The following TMEM132B variants were observed in gnomAD, a reference collection of about 807,000 sequenced individuals.
The protein encoded by TMEM132B is transmembrane protein 132B.
Under a neutral mutation model 90.8 loss-of-function variants are expected in TMEM132B, and 18 were observed. The ratio of observed to expected loss-of-function variants is 0.20; its 90% confidence interval spans 0.14 to 0.29. The LOEUF is 0.29. Among genes scored for constraint, TMEM132B ranks in the 10% least tolerant of loss-of-function variants. The pLI is 1.00. For synonymous variants in TMEM132B, 504 were observed against 523.3 expected (o/e 0.96, Z 0.50); for missense variants, 1,096 against 1,326.8 (o/e 0.83, Z 2.70).
chr12:125,596,616 A>T (rs1319671889), intron 5 of TMEM132B, among the ~76,000 whole-genome samples: 1 of 152,114 alleles, frequency 6.6e-6, no homozygotes. Context: ...ACCACTTCTA[A>T]AGTCCAGTTT....
chr12:125,278,477 C>CTTTT (rs35950577), intron 1 of TMEM132B, among the ~76,000 whole-genome samples: 14,881 of 141,252 alleles, frequency 0.11, 884 homozygotes, highest in African/African-American at 0.13. Context: ...GAATCTCCAT[C>CTTTT]TTTTTTTTTT....
intron 3 of TMEM132B, among the ~76,000 whole-genome samples, chr12:125,512,569 T>C (rs1303208201): frequency 6.6e-6 from 1 of 152,120 alleles, no homozygotes; most frequent in Non-Finnish European, 1.5e-5. Flanking sequence ...GTGTAGCAAT[T>C]TGATGATGGG....
chr12:125,480,006 C>G (rs1214173786), intron 3 of TMEM132B, among the ~76,000 whole-genome samples: 1 of 152,222 alleles, frequency 6.6e-6, no homozygotes, highest in Non-Finnish European at 1.5e-5. Flanking sequence ...TCCTGATTGA[C>G]TACTGGGTAA....
chr12:125,307,652 G>A (rs1167641949), intron 1 of TMEM132B, among the ~76,000 whole-genome samples: 2 of 141,872 alleles, frequency 1.4e-5, no homozygotes, highest in Admixed American at 7.2e-5. Context: ...CAAGCCCCAC[G>A]TCTCTCTCTA....
At chr12:125,530,661 A>T (rs1414047864) in intron 4 of TMEM132B, among the ~76,000 whole-genome samples, 1 of 152,198 alleles carries the variant, frequency 6.6e-6, no homozygotes, top group Non-Finnish European at 1.5e-5. Context: ...TGCCTCTTCC[A>T]GCTTCCGCTG....
At chr12:125,299,367 A>G (rs1464305505) in intron 1 of TMEM132B, among the ~76,000 whole-genome samples, 1 of 152,086 alleles carries the variant, frequency 6.6e-6, no homozygotes, top group East Asian at 1.9e-4. Flanking sequence ...GCTCCTCCCA[A>G]GCCCCATTGT....
chr12:125,390,885 G>A (rs547425817), intron 2 of TMEM132B, among the ~76,000 whole-genome samples: 68 of 152,296 alleles, frequency 4.5e-4, no homozygotes, highest in African/African-American at 1.6e-3. Flanking sequence ...ACTTTAAGAG[G>A]AAAAATATTG....
At chr12:125,518,272 A>G (rs1002531389) in intron 3 of TMEM132B, among the ~76,000 whole-genome samples, 1 of 152,192 alleles carries the variant, frequency 6.6e-6, no homozygotes, top group Non-Finnish European at 1.5e-5. Flanking sequence ...TGTCCGTGGT[A>G]GGAGAGTCCA....
At chr12:125,550,960 G>A (rs918657373) in intron 4 of TMEM132B, among the ~76,000 whole-genome samples, 3 of 152,154 alleles carry the variant, frequency 2.0e-5, no homozygotes, top group Admixed American at 6.5e-5. Flanking sequence ...TTACAGTTAT[G>A]TGCCAGCACG....
At chr12:125,466,532 G>A (rs1386637532) in intron 3 of TMEM132B, among the ~76,000 whole-genome samples, 1 of 152,240 alleles carries the variant, frequency 6.6e-6, no homozygotes, top group African/African-American at 2.4e-5. Context: ...GCTATGCAGA[G>A]CAACTGACAT....
intron 1 of TMEM132B, among the ~76,000 whole-genome samples, chr12:125,343,849 C>A (rs949173537): frequency 1.3e-5 from 2 of 151,968 alleles, no homozygotes; most frequent in African/African-American, 2.4e-5. Context: ...TATTTTAGGA[C>A]CAAATGAATG....
At chr12:125,270,112 T>TTGTGTGTGTGTGTGTGTGTGTGTG (rs59168219) in intron 1 of TMEM132B, among the ~76,000 whole-genome samples, 48 of 143,250 alleles carry the variant, frequency 3.4e-4, no homozygotes, top group African/African-American at 9.7e-4. Flanking sequence ...CACATCTTTG[T>TTGTGTGTGTGTGTGTGTGTGTGTG]TGTGTGTGTG....
intron 4 of TMEM132B, among the ~76,000 whole-genome samples, chr12:125,560,693 C>T (rs1440889244): frequency 3.3e-5 from 5 of 151,642 alleles, no homozygotes; most frequent in Non-Finnish European, 7.4e-5. Flanking sequence ...GGCGCGGTGG[C>T]GGGTGCCTGT....
chr12:125,469,959 G>C (rs181118251), intron 3 of TMEM132B, among the ~76,000 whole-genome samples: 1 of 152,282 alleles, frequency 6.6e-6, no homozygotes, highest in African/African-American at 2.4e-5. Context: ...TCATCACCAA[G>C]GCAGGGAGGC....
At chr12:125,470,918 C>A (rs1221359703) in intron 3 of TMEM132B, among the ~76,000 whole-genome samples, 2 of 152,254 alleles carry the variant, frequency 1.3e-5, no homozygotes, top group Non-Finnish European at 2.9e-5. Context: ...AGATCAGGCT[C>A]AGGGGAGAAA....
chr12:125,233,620 T>C (rs2136084919), intron 1 of TMEM132B, among the ~76,000 whole-genome samples: 1 of 152,332 alleles, frequency 6.6e-6, no homozygotes, highest in Admixed American at 6.5e-5. Context: ...TGGGGTTCCC[T>C]TTTTAACAAG....
intron 3 of TMEM132B, among the ~76,000 whole-genome samples, chr12:125,417,957 G>C (rs1346268108): frequency 6.6e-6 from 1 of 152,152 alleles, no homozygotes; most frequent in African/African-American, 2.4e-5. Flanking sequence ...AGTGGGGGAG[G>C]GATTGTTGGT....
At chr12:125,205,233 G>T (rs566044819) in intron 1 of TMEM132B, among the ~76,000 whole-genome samples, 37 of 147,534 alleles carry the variant, frequency 2.5e-4, no homozygotes, top group African/African-American at 8.3e-4. Context: ...TGAGGGCTCC[G>T]TGTGCCAGGC....
At chr12:125,235,063 C>T (rs1257282814) in intron 1 of TMEM132B, among the ~76,000 whole-genome samples, 1 of 152,230 alleles carries the variant, frequency 6.6e-6, no homozygotes. Flanking sequence ...TCCTTCTTAA[C>T]TGTGATCCCC....
Sources: gnomAD v4.1 joint callset for allele counts (sites outside exome capture counted in the v4.1 genomes callset) on GRCh38, gnomAD v4.1.1 for gene constraint, MANE v1.5 for transcripts, NCBI Gene and HGNC (gene_info 2026-07-23, HGNC 2026-07-21) for gene names.